ITFG1: variants seen among roughly 807,000 people sequenced by gnomAD.
The protein encoded by ITFG1 is integrin alpha FG-GAP repeat containing 1.
A neutral mutation model predicts 81.8 loss-of-function variants in ITFG1; 34 were observed. The ratio of observed to expected loss-of-function variants is 0.42; its 90% confidence interval spans 0.32 to 0.55. The LOEUF is 0.55. Among genes scored for constraint, ITFG1 ranks in the 20% least tolerant of loss-of-function variants. ITFG1 has a pLI of 0.17. For synonymous variants in ITFG1, 285 were observed against 270.6 expected, an observed-to-expected ratio of 1.05 and a Z score of -0.52; for missense variants, 672 against 755.4, an observed-to-expected ratio of 0.89 and a Z score of 1.29.
At chr16:47,271,279 CAAATA>C (rs1452938204) in intron 10 of ITFG1, among the ~76,000 whole-genome samples, 1 of 151,922 alleles carries the variant, frequency 6.6e-6, no homozygotes, top group African/African-American at 2.4e-5. Context: ...AGCAAAAAGA[CAAATA>C]ACCCAATTAT....
intron 14 of ITFG1, among the ~76,000 whole-genome samples, chr16:47,211,104 GGC>G (rs1965556006): frequency 6.6e-6 from 1 of 152,102 alleles, no homozygotes; most frequent in South Asian, 2.1e-4. Flanking sequence ...AAACCTGCAA[GGC>G]AATTTATGGA....
intron 14 of ITFG1, among the ~76,000 whole-genome samples, chr16:47,185,102 A>G (rs1321301225): frequency 6.6e-6 from 1 of 151,962 alleles, no homozygotes; most frequent in African/African-American, 2.4e-5. Context: ...ATATGCACCC[A>G]ATACAGGAGC....
At position 47,451,384 on chromosome 16, in the gene ITFG1, A is replaced by G. The variant is rs1197686936; in HGVS notation, c.560+12T>C. 5 of 1,415,108 alleles carry G rather than the reference A, an allele frequency of 3.5e-6. No homozygotes were observed. In the South Asian group the frequency reaches 4.7e-5, roughly 13 times the overall value. 87.7% of individuals were successfully genotyped at this position (1,415,108 alleles called of 1,614,324 possible). On this transcript the variant is annotated intron_variant, in intron 5 of 17. Transcript: ENST00000320640. ...TACGATTAATTACATAGTTATAACC[A>G]TATTTACTCACCCTCCTAATAGTAT...
chr16:47,215,396 A>C (rs1965613351), intron 14 of ITFG1, among the ~76,000 whole-genome samples: 1 of 152,240 alleles, frequency 6.6e-6, no homozygotes, highest in Non-Finnish European at 1.5e-5. Context: ...TTATGCATGA[A>C]ATACAGCATA....
intron 10 of ITFG1, among the ~76,000 whole-genome samples, chr16:47,265,209 C>G (rs1412395738): frequency 6.7e-6 from 1 of 150,072 alleles, no homozygotes; most frequent in African/African-American, 2.5e-5. Flanking sequence ...TTTACGGTAC[C>G]CTTCACTAAA....
At chr16:47,313,644 T>C (rs1967302972) in intron 9 of ITFG1, 85 bp downstream of exon 9, 2 of 619,858 alleles carry the variant, frequency 3.2e-6, no homozygotes, top group South Asian at 5.6e-5. Flanking sequence ...TCTGTTCTGA[T>C]TCTACAGGTA....
In ITFG1 at chr16:47,449,374, T is replaced by A. The variant is rs190805079; in HGVS notation, c.560+2022A>T. 38 of 152,340 alleles carry A rather than the reference T, an allele frequency of 2.5e-4. No individual in the cohort carries two copies. In the East Asian group the frequency reaches 6.7e-3, roughly 27 times the overall value. The allele number at this position is 152,340 out of a possible 1,614,324, so 9.4% of individuals were successfully genotyped here. Reference sequence around the variant, plus strand: ...TTTCACTTACTCACCTATGTACATATCTTATCTGTTGTTTATAAAACTGAC... The same window carrying A: ...TTTCACTTACTCACCTATGTACATAACTTATCTGTTGTTTATAAAACTGAC... On this transcript the variant is annotated intron_variant, in intron 5 of 17. Transcript: ENST00000320640.
At chr16:47,436,226 G>C (rs919596359) in intron 5 of ITFG1, among the ~76,000 whole-genome samples, 1 of 152,052 alleles carries the variant, frequency 6.6e-6, no homozygotes, top group Non-Finnish European at 1.5e-5. Context: ...AATAAAGTTT[G>C]TATACATATG....
At chr16:47,353,398 T>G (rs1196990373) in intron 8 of ITFG1, among the ~76,000 whole-genome samples, 1 of 151,990 alleles carries the variant, frequency 6.6e-6, no homozygotes. Flanking sequence ...GGTATGTACC[T>G]CAACACAATA....
At chr16:47,336,048 G>A (rs1404776239) in intron 8 of ITFG1, among the ~76,000 whole-genome samples, 1 of 152,118 alleles carries the variant, frequency 6.6e-6, no homozygotes, top group Admixed American at 6.5e-5. Context: ...AACAAATTAC[G>A]AATACATATT....
intron 5 of ITFG1, among the ~76,000 whole-genome samples, chr16:47,441,152 A>T (rs1969244115): frequency 6.6e-6 from 1 of 152,182 alleles, no homozygotes; most frequent in Admixed American, 6.5e-5. Context: ...CTCTGAGTAG[A>T]CCAATAACAG....
At chr16:47,212,158 A>G (rs912965196) in intron 14 of ITFG1, among the ~76,000 whole-genome samples, 2 of 152,180 alleles carry the variant, frequency 1.3e-5, no homozygotes, top group African/African-American at 4.8e-5. Flanking sequence ...GTAAACCTAC[A>G]AACCAGAAAA....
chr16:47,293,193 TA>T (rs1966933996), intron 10 of ITFG1, among the ~76,000 whole-genome samples: 2 of 147,296 alleles, frequency 1.4e-5, no homozygotes, highest in Non-Finnish European at 3.0e-5. Context: ...TGATATATAT[TA>T]TATATCATAT....
At chr16:47,416,573 T>C (rs1968878172) in intron 6 of ITFG1, among the ~76,000 whole-genome samples, 1 of 152,204 alleles carries the variant, frequency 6.6e-6, no homozygotes, top group Admixed American at 6.5e-5. Context: ...ATCTGGGTAA[T>C]GGGAGTGGAC....
intron 7 of ITFG1, among the ~76,000 whole-genome samples, chr16:47,375,634 G>A (rs532009070): frequency 2.0e-5 from 3 of 152,308 alleles, no homozygotes; most frequent in Admixed American, 2.0e-4. Flanking sequence ...ATGCACATTA[G>A]GGCAGCCTGA....
intron 8 of ITFG1, among the ~76,000 whole-genome samples, chr16:47,339,899 C>T (rs1967758128): frequency 6.6e-6 from 1 of 151,912 alleles, no homozygotes; most frequent in Non-Finnish European, 1.5e-5. Context: ...CTCAAAGAGA[C>T]CCACACCAAG....
intron 14 of ITFG1, among the ~76,000 whole-genome samples, chr16:47,190,152 T>G (rs938865924): frequency 2.6e-5 from 4 of 152,080 alleles, no homozygotes; most frequent in African/African-American, 9.7e-5. Context: ...TGGAGATCTG[T>G]ACCTCTCTGA....
intron 6 of ITFG1, among the ~76,000 whole-genome samples, chr16:47,409,387 TATATATATA>T (rs1567490140): frequency 2.7e-4 from 4 of 14,580 alleles, no homozygotes; most frequent in South Asian, 1.6e-3. Flanking sequence ...TATATATATA[TATATATATA>T]TATATATATT....
At chr16:47,161,525 G>C in intron 16 of ITFG1, 1 of 363,854 alleles carries the variant, frequency 2.7e-6, no homozygotes, top group East Asian at 4.1e-5. Context: ...TCCCTAATTA[G>C]TTAACCTCCT....
Sources: allele counts gnomAD v4.1 joint callset (sites outside exome capture counted in the v4.1 genomes callset), GRCh38; gene constraint gnomAD v4.1.1; transcripts MANE v1.5; gene names NCBI Gene and HGNC (gene_info 2026-07-23, HGNC 2026-07-21).